Variants in CAMK2B observed in about 807,000 individuals in gnomAD.
The protein encoded by CAMK2B is calcium/calmodulin dependent protein kinase II beta, also known as calcium/calmodulin-dependent protein kinase type II subunit beta.
Under a neutral mutation model 93.7 loss-of-function variants are expected in CAMK2B, and 27 were observed. The observed-to-expected ratio is 0.29, with a 90% CI of 0.21 to 0.40. CAMK2B has a LOEUF of 0.40. CAMK2B is among the 10% of genes least tolerant of loss of function. The pLI, the probability that CAMK2B is intolerant of heterozygous loss-of-function variation, is 1.00. For missense variants in CAMK2B, 568 were observed against 895.8 expected (o/e 0.63, Z 4.67); for synonymous variants, 374 against 358.8 (o/e 1.04, Z -0.48).
At chr7:44,230,755 G>A (rs537207173) in intron 17 of CAMK2B, among the ~76,000 whole-genome samples, 3 of 152,246 alleles carry the variant, frequency 2.0e-5, no homozygotes, top group Admixed American at 6.5e-5. Context: ...ATGCAAAGCC[G>A]TGGCTTCCTC....
chr7:44,227,777 G>A (rs1480999682), intron 19 of CAMK2B, among the ~76,000 whole-genome samples: 1 of 82,178 alleles, frequency 1.2e-5, no homozygotes, highest in Non-Finnish European at 2.5e-5. Context: ...GGGAGAGTCT[G>A]GGGGACAGAG....
chr7:44,235,964 C>T (rs79495881), intron 13 of CAMK2B, among the ~76,000 whole-genome samples: 8,722 of 152,136 alleles, frequency 0.057, 322 homozygotes, highest in South Asian at 0.1. Context: ...CAGCGCTTCT[C>T]AAATGGGATC....
chr7:44,254,704 TCAC>T (rs1478525329), intron 4 of CAMK2B, 97 bp from the exon 5 acceptor site: 2 of 655,434 alleles, frequency 3.1e-6, no homozygotes, highest in African/African-American at 8.5e-5. Flanking sequence ...ACCACTATCA[TCAC>T]CATCACTCCC....
Position 44,239,194 on chromosome 7 carries a change from G to A in CAMK2B, c.1021+395C>T, listed in dbSNP as rs556520453. 3.9e-5 allele frequency among the ~76,000 whole-genome samples: 6 copies of A among 152,320 alleles called. No homozygotes were observed. In the East Asian group the frequency reaches 1.2e-3, roughly 29 times the overall value. On this transcript the variant is annotated intron_variant, in intron 13 of 23. Coordinates refer to ENST00000395749, the MANE Select transcript of CAMK2B (RefSeq NM_001220.5). ...GGGCAGGGTGTGTGTCTGCCCCAAG[G>A]GCCTCTGCCTCTCTGGCTCTGCTCC...
chr7:44,256,211 G>C (rs1393678223), intron 4 of CAMK2B, among the ~76,000 whole-genome samples: 1 of 152,250 alleles, frequency 6.6e-6, no homozygotes, highest in Admixed American at 6.5e-5. Flanking sequence ...AGTGTTGACG[G>C]GGCCCTTCCC....
At chr7:44,222,982 C>T (rs1049747617) in intron 20 of CAMK2B, among the ~76,000 whole-genome samples, 2 of 152,286 alleles carry the variant, frequency 1.3e-5, no homozygotes, top group South Asian at 2.1e-4. Context: ...AGGAGGAGCC[C>T]GATGGCACCT....
chr7:44,320,228 G>C (rs981822753), intron 1 of CAMK2B, among the ~76,000 whole-genome samples: 2 of 152,196 alleles, frequency 1.3e-5, no homozygotes, highest in African/African-American at 4.8e-5. Flanking sequence ...TCACAAAGGG[G>C]AACCTAGAGG....
At chr7:44,252,600 C>A (rs931124993) in intron 5 of CAMK2B, among the ~76,000 whole-genome samples, 1 of 151,882 alleles carries the variant, frequency 6.6e-6, no homozygotes, top group Non-Finnish European at 1.5e-5. Context: ...CTGTGGGATC[C>A]GATCTGCTGA....
Position 44,220,823 on chromosome 7 carries a change from C to T in CAMK2B, c.1673+3G>A. 1 of 1,564,926 alleles carries T rather than the reference C, an allele frequency of 6.4e-7. No homozygotes were observed. The highest frequency in any genetic ancestry group is 1.2e-5 in the South Asian group (1 of 85,124). ...CAGCCCCCCCCCAGCCCCAGGGACTCACGCGTAGGCCTCAAAGTCACCGTT... is the reference window on the plus strand; with the variant it reads ...CAGCCCCCCCCCAGCCCCAGGGACTTACGCGTAGGCCTCAAAGTCACCGTT... On this transcript the variant is annotated splice_donor_region_variant and intron_variant, in intron 21 of 23. Transcript: ENST00000395749.
Position 44,241,754 on chromosome 7 carries a change from G to A in CAMK2B, c.849C>T (p.His283=). The A allele has an allele frequency of 6.2e-7, 1 of 1,613,756 alleles. No individual in the cohort carries two copies. The stretch of plus-strand genomic sequence containing the variant: ...TCAGACACTCCACAGTCTCCTGTCT[G>A]TGCATCATGGATGCTACCGTGGAGC... ...CQRSTVASMM[H]RQETVECLKK... Residue 283 remains histidine, a synonymous_variant, in exon 11 of 24, where the codon CAC becomes CAT. Coordinates refer to ENST00000395749, the MANE Select transcript of CAMK2B (RefSeq NM_001220.5).
intron 20 of CAMK2B, among the ~76,000 whole-genome samples, chr7:44,222,514 C>T (rs1250645688): frequency 6.6e-6 from 1 of 152,010 alleles, no homozygotes; most frequent in Non-Finnish European, 1.5e-5. Context: ...CGGCTCACTG[C>T]AGTCTCTGAC....
Position 44,225,922 on chromosome 7 carries a change from C to A in CAMK2B, c.1597+594G>T. 7.8e-7 allele frequency: 1 copy of A among 1,281,224 alleles called. No homozygotes were observed. Among genetic ancestry groups the A allele is most frequent in the South Asian group, 1.2e-5 (1 of 80,218 alleles). 79.4% of individuals were successfully genotyped at this position (1,281,224 alleles called of 1,614,324 possible). A position where few individuals can be genotyped will look rare whatever the true frequency, so the allele number is the denominator to read the frequency against. On this transcript the variant is annotated intron_variant, in intron 20 of 23. Coordinates refer to ENST00000395749, the MANE Select transcript of CAMK2B (RefSeq NM_001220.5). This position sits in a 1 kb window ranked among gnomAD's most constrained non-coding sequence, Gnocchi z 5.0. Reference sequence around the variant, plus strand: ...AGTGATACTGCGGGTAGTCGGCAGACAGACCGGGAGGTGGCCCAGCCTGGC... The same window carrying A: ...AGTGATACTGCGGGTAGTCGGCAGAAAGACCGGGAGGTGGCCCAGCCTGGC...
chr7:44,299,018 T>C (rs1388285189), intron 1 of CAMK2B, among the ~76,000 whole-genome samples: 1 of 152,160 alleles, frequency 6.6e-6, no homozygotes, highest in Non-Finnish European at 1.5e-5. Context: ...AGAATTACCA[T>C]ATGATCCAGC....
chr7:44,250,105 G>A (rs369357542), intron 5 of CAMK2B, among the ~76,000 whole-genome samples: 1 of 152,240 alleles, frequency 6.6e-6, no homozygotes, highest in African/African-American at 2.4e-5. Flanking sequence ...CAAGCCAGGG[G>A]TCCCCAAGAC....
At chr7:44,259,803 C>T (rs529272611) in intron 3 of CAMK2B, among the ~76,000 whole-genome samples, 10 of 152,302 alleles carry the variant, frequency 6.6e-5, no homozygotes, top group South Asian at 2.1e-4. Flanking sequence ...CACTCTCCCA[C>T]GTGCCGGTTC....
At chr7:44,230,688 A>C (rs750791911) in intron 17 of CAMK2B, among the ~76,000 whole-genome samples, 2 of 152,210 alleles carry the variant, frequency 1.3e-5, no homozygotes, top group Admixed American at 6.5e-5. Context: ...TCTTGGAACA[A>C]ATTCTACCCA....
chr7:44,221,073 C>T (rs2096398363), intron 20 of CAMK2B, 172 bp from the exon 21 acceptor site: 1 of 587,626 alleles, frequency 1.7e-6, no homozygotes, highest in Non-Finnish European at 3.0e-6. Flanking sequence ...CCAGTGGCTT[C>T]CTCATTTTCA....
At chr7:44,279,106 T>C (rs780667427) in intron 2 of CAMK2B, among the ~76,000 whole-genome samples, 3 of 152,130 alleles carry the variant, frequency 2.0e-5, no homozygotes, top group Non-Finnish European at 4.4e-5. Flanking sequence ...TATCAAGGAA[T>C]TACTGTCCAT....
chr7:44,282,961 G>A (rs184883702), intron 2 of CAMK2B, among the ~76,000 whole-genome samples: 127 of 152,340 alleles, frequency 8.3e-4, no homozygotes, highest in East Asian at 9.7e-4. Context: ...GGCTCAGAGA[G>A]GCAGACAGGG....
Sources: allele counts gnomAD v4.1 joint callset (sites outside exome capture counted in the v4.1 genomes callset), GRCh38; gene constraint gnomAD v4.1.1; non-coding constraint Gnocchi (gnomAD v3.1); transcripts MANE v1.5; gene names NCBI Gene and HGNC (gene_info 2026-07-23, HGNC 2026-07-21).